The following DEPDC5 variants were observed in gnomAD, a reference collection of about 807,000 sequenced individuals.
The protein encoded by DEPDC5 is DEP domain containing 5, GATOR1 subcomplex subunit.
A neutral mutation model predicts 217.3 loss-of-function variants in DEPDC5; 73 were observed. The ratio of observed to expected loss-of-function variants is 0.34; its 90% CI spans 0.28 to 0.41. The LOEUF (loss-of-function observed/expected upper bound fraction) is 0.41, where lower values mean the gene tolerates loss of function less well. DEPDC5 is among the 10% of genes least tolerant of loss of function. The pLI, the probability that DEPDC5 is intolerant of heterozygous loss-of-function variation, is 1.00. For synonymous variants in DEPDC5, 733 were observed against 756.7 expected (o/e 0.97, Z 0.51); for missense variants, 1,675 against 2,070.1 (o/e 0.81, Z 3.70).
intron 32 of DEPDC5, 76 bp downstream of exon 32, chr22:31,857,629 T>C: frequency 1.6e-6 from 2 of 1,267,428 alleles, no homozygotes; most frequent in East Asian, 5.1e-5. Flanking sequence ...CAGATCGCCC[T>C]TCAGATCCGG....
In DEPDC5 at chr22:31,843,075, A is replaced by C; in HGVS notation, c.2516-20A>C. ...GAATGAGCTTCAAACAGATGGAGGA[A>C]ATTATTATTTTTCTGTTAGGCCTTG... On this transcript the variant is annotated intron_variant, in intron 27 of 42. Coordinates refer to ENST00000651528, the MANE Select transcript of DEPDC5 (RefSeq NM_001242896.3). 6.4e-7 allele frequency: 1 copy of C among 1,574,372 alleles called. No homozygotes were observed. Among genetic ancestry groups the C allele is most frequent in the South Asian group, 1.1e-5 (1 of 89,486 alleles).
Position 31,821,574 on chromosome 22 carries a change from A to G in DEPDC5, c.1943A>G (p.Gln648Arg), listed in dbSNP as rs2089701878. ...ATGGCGGAGCTACAAGGCAGCGGGC[A>G]GAGGGATCCAACTCACTCCTCTGCA... Reference protein sequence around the residue: ...QNMAELQGSGQRDPTHSSAEL... With the variant: ...QNMAELQGSGRRDPTHSSAEL... The change falls in exon 23 of 43, where the codon CAG (glutamine) becomes CGG (arginine). Residue 648 changes from glutamine (Q) to arginine (R), a missense_variant. Around this residue, in one of 11 missense-constraint regions of DEPDC5, gnomAD observed 136 missense variants for 132.2 expected, o/e 1.03. Transcript: ENST00000651528. 1.2e-6 allele frequency: 2 copies of G among 1,614,114 alleles called. No individual in the cohort carries two copies. The highest frequency in any genetic ancestry group is 1.7e-6 in the Non-Finnish European group (2 of 1,180,042).
rs753762209 is a variant in DEPDC5, at chr22:31,821,624, G to A, written c.1993G>A (p.Glu665Lys). The change falls in exon 23 of 43, where the codon GAA (glutamate) becomes AAA (lysine). Residue 665 changes from glutamate to lysine, a missense_variant. Around this residue, in one of 11 missense-constraint regions of DEPDC5, gnomAD observed 136 missense variants for 132.2 expected, o/e 1.03. Transcript: ENST00000651528. ...SAELLELAYH[E>K]AAGRHSNSRQ... The stretch of plus-strand genomic sequence containing the variant: ...AGAGCTGCTGGAGTTAGCATATCAT[G>A]AAGCTGCTGGAAGGTGAGGATGTGC... 6 of 1,613,382 alleles carry A rather than the reference G, an allele frequency of 3.7e-6. No homozygotes were observed. The highest frequency in any genetic ancestry group is 1.7e-6 in the Non-Finnish European group (2 of 1,179,430).
chr22:31,833,220 T>A (rs937258735), intron 24 of DEPDC5, among the ~76,000 whole-genome samples: 1 of 152,228 alleles, frequency 6.6e-6, no homozygotes, highest in East Asian at 1.9e-4. Context: ...CTGATAAATA[T>A]ATGTTTTGAA....
chr22:31,846,350 G>GT (rs544247099), intron 30 of DEPDC5, among the ~76,000 whole-genome samples: 7 of 151,970 alleles, frequency 4.6e-5, no homozygotes, highest in Non-Finnish European at 5.9e-5. Flanking sequence ...CATCAGCCAT[G>GT]TTTTTTTTGT....
At chr22:31,836,915 C>T (rs1023576038) in intron 25 of DEPDC5, 57 bp from the exon 26 acceptor site, 1 of 1,507,440 alleles carries the variant, frequency 6.6e-7, no homozygotes, top group Non-Finnish European at 9.1e-7. Flanking sequence ...CCTGGCCCCC[C>T]ATCCCACACT....
intron 7 of DEPDC5, among the ~76,000 whole-genome samples, chr22:31,776,966 A>AT (rs1465830796): frequency 2.0e-4 from 30 of 147,294 alleles, no homozygotes; most frequent in Admixed American, 1.8e-3. Flanking sequence ...GTTAATTATT[A>AT]TTATTTTTTT....
rs180711491 is a variant in DEPDC5 at position 31,871,567 on chromosome 22, G to A, written c.3485+823G>A. On this transcript the variant is annotated intron_variant, in intron 34 of 42. Transcript: ENST00000651528. ...CTGAACTTCTCTGCTCCCTGCCTTC[G>A]CTCATGCCCTTATACCCATCAAGCC... Among the ~76,000 whole-genome samples the A allele has an allele frequency of 2.6e-5, 4 of 152,280 alleles. No individual in the cohort carries two copies. In the East Asian group the frequency reaches 5.8e-4, roughly 22 times the overall value.
intron 31 of DEPDC5, among the ~76,000 whole-genome samples, chr22:31,848,724 A>G (rs912325941): frequency 1.3e-5 from 2 of 152,160 alleles, no homozygotes; most frequent in East Asian, 3.9e-4. Context: ...GCTCCTCCTT[A>G]CTTATGCAAA....
intron 36 of DEPDC5, chr22:31,875,431 C>T (rs905244328): frequency 1.3e-5 from 2 of 152,168 alleles, no homozygotes; most frequent in African/African-American, 4.8e-5. Flanking sequence ...CGAAAGAATA[C>T]CTTATATTCT....
intron 33 of DEPDC5, among the ~76,000 whole-genome samples, chr22:31,866,654 G>A (rs748033914): frequency 6.6e-6 from 1 of 152,186 alleles, no homozygotes; most frequent in Non-Finnish European, 1.5e-5. Context: ...AAAGTGCTGC[G>A]ATTACAGGTG....
At position 31,804,207 on chromosome 22, in the gene DEPDC5, C is replaced by T; in HGVS notation, c.1127C>T (p.Ala376Val). The change falls in exon 16 of 43, where the codon GCT becomes GTT. Residue 376 changes from alanine to valine, a missense_variant. Transcript: ENST00000651528. ...TGCATGGGAGAGCAACCGTTACATG[C>T]TGTCCCATTGTTCAAGGTAATTAGA... ...LVCMGEQPLH[A>V]VPLFKLHNRS... 1 of 1,614,106 alleles carries T rather than the reference C, an allele frequency of 6.2e-7. No individual in the cohort carries two copies.
chr22:31,761,320 C>T (rs1024440415), intron 4 of DEPDC5, among the ~76,000 whole-genome samples: 2 of 152,066 alleles, frequency 1.3e-5, no homozygotes, highest in Admixed American at 6.6e-5. Context: ...CTTCCCTGTC[C>T]TTGTTTTTGG....
chr22:31,806,918 G>A (rs888234466), intron 18 of DEPDC5, among the ~76,000 whole-genome samples: 11 of 152,142 alleles, frequency 7.2e-5, no homozygotes, highest in Non-Finnish European at 1.2e-4. Flanking sequence ...AGGCTAAAAC[G>A]GGAAGATTGC....
intron 33 of DEPDC5, among the ~76,000 whole-genome samples, chr22:31,867,794 C>CGGG (rs1265979646): frequency 6.6e-6 from 1 of 152,156 alleles, no homozygotes; most frequent in Non-Finnish European, 1.5e-5. Context: ...CCCCCTACCC[C>CGGG]GGCTCCCACC....
rs111710727 is a variant in DEPDC5 at position 31,852,397 on chromosome 22, A to G, written c.3156-5048A>G. Among the ~76,000 whole-genome samples the G allele has an allele frequency of 3.4e-3, 499 of 147,460 alleles. 2 individuals carry two copies. Among genetic ancestry groups the G allele is most frequent in the African/African-American group, 0.012 (483 of 39,544 alleles). The stretch of plus-strand genomic sequence containing the variant: ...CTCTTGTTGCCTAGGCTGGAGTGCA[A>G]TGGCACGATCTTGGCTCACCGCAGC... On this transcript the variant is annotated intron_variant, in intron 31 of 42. Coordinates refer to ENST00000651528, the MANE Select transcript of DEPDC5 (RefSeq NM_001242896.3).
At chr22:31,798,682 C>T (rs778167255) in intron 14 of DEPDC5, 26 bp downstream of exon 14, 4 of 1,603,218 alleles carry the variant, frequency 2.5e-6, no homozygotes, top group Non-Finnish European at 3.4e-6. Context: ...GGCCATGAGC[C>T]AGCATCTTGC....
chr22:31,866,544 C>A (rs2157212), intron 33 of DEPDC5, among the ~76,000 whole-genome samples: 12,845 of 152,230 alleles, frequency 0.084, 651 homozygotes, highest in South Asian at 0.19. Context: ...CGCTGCCATG[C>A]CCAGCTAATC....
chr22:31,765,293 T>C (rs1397474439), intron 5 of DEPDC5, among the ~76,000 whole-genome samples: 2 of 152,040 alleles, frequency 1.3e-5, no homozygotes, highest in Non-Finnish European at 2.9e-5. Context: ...ATTAAAACTT[T>C]CCTTTTTCTT....
Sources: allele counts gnomAD v4.1 joint callset (sites outside exome capture counted in the v4.1 genomes callset), GRCh38; gene constraint gnomAD v4.1.1; regional missense constraint gnomAD v4.1.1; transcripts MANE v1.5; gene names NCBI Gene and HGNC (gene_info 2026-07-23, HGNC 2026-07-21).